BTBD3: variants seen among roughly 807,000 people sequenced by gnomAD.
BTBD3 encodes BTB/POZ domain-containing protein 3.
Under a neutral mutation model 41.6 loss-of-function variants are expected in BTBD3, and 14 were observed. The observed-to-expected ratio is 0.34, with a 90% confidence interval of 0.22 to 0.53. BTBD3 has a LOEUF of 0.53. BTBD3 is among the 20% of genes least tolerant of loss of function. BTBD3 has a pLI of 0.95. For missense variants in BTBD3, 426 were observed against 654.7 expected, an observed-to-expected ratio of 0.65 and a Z score of 3.81; for synonymous variants, 249 against 233.7, an observed-to-expected ratio of 1.07 and a Z score of -0.60.
At chr20:11,918,905 G>T in intron 1 of BTBD3, 181 bp from the exon 2 acceptor site, 1 of 570,560 alleles carries the variant, frequency 1.8e-6, no homozygotes, top group Non-Finnish European at 3.0e-6. Flanking sequence ...TTAAACTTTA[G>T]TTACTTCCCT....
chr20:11,919,918 T>G, intron 3 of BTBD3, 82 bp downstream of exon 3: 5 of 1,204,816 alleles, frequency 4.2e-6, no homozygotes, highest in Non-Finnish European at 6.1e-6. Context: ...ATTTAAGTTC[T>G]GCATAACAGA....
chr20:11,902,959 A>G (rs2056832577), intron 1 of BTBD3, among the ~76,000 whole-genome samples: 2 of 152,314 alleles, frequency 1.3e-5, no homozygotes, highest in South Asian at 4.1e-4. Context: ...TAATTGTTAC[A>G]CAAATCTCCA....
Position 11,917,935 on chromosome 20 carries a change from G to C in BTBD3, c.-341G>C. 2.9e-6 allele frequency: 3 copies of C among 1,027,522 alleles called. No individual in the cohort carries two copies. In the South Asian group the frequency reaches 1.2e-4, roughly 41 times the overall value. The allele number at this position is 1,027,522 out of a possible 1,614,324, so 63.7% of individuals were successfully genotyped here. A position where few individuals can be genotyped will look rare whatever the true frequency, so the allele number is the denominator to read the frequency against. ...GGCTGAACAGACTCACGCAGCTCCA[G>C]CCCATCTTGCTGACCTAATTCAGAA... is the stretch of plus-strand genomic sequence containing the variant. On this transcript the variant is annotated 5_prime_UTR_variant, in exon 1 of 4. Coordinates refer to ENST00000378226, the MANE Select transcript of BTBD3 (RefSeq NM_014962.4).
chr20:11,919,290 C>T (rs887016862), intron 2 of BTBD3, 114 bp downstream of exon 2: 2 of 1,355,162 alleles, frequency 1.5e-6, no homozygotes, highest in African/African-American at 2.9e-5. Context: ...GCATGTTTCA[C>T]TCGATTAGGG....
intron 1 of BTBD3, chr20:11,910,321 C>T (rs1316504455): frequency 6.6e-6 from 1 of 152,110 alleles, no homozygotes; most frequent in Non-Finnish European, 1.5e-5. Context: ...TTTTCTTCTT[C>T]TGTTATTTAA....
chr20:11,913,283 C>T (rs58009449), upstream of BTBD3: 2 of 152,056 alleles, frequency 1.3e-5, no homozygotes, highest in African/African-American at 4.8e-5. Flanking sequence ...TGGTGTTAAC[C>T]GTGAATAGCT....
At chr20:11,919,656 C>T (rs1243370259) in intron 2 of BTBD3, 62 bp from the exon 3 acceptor site, 12 of 1,502,952 alleles carry the variant, frequency 8.0e-6, no homozygotes, top group Non-Finnish European at 1.0e-5. Context: ...TGTTTTTCTG[C>T]ATTGATTTGC....
intron 1 of BTBD3, among the ~76,000 whole-genome samples, chr20:11,901,641 T>C (rs750699691): frequency 3.9e-5 from 6 of 152,222 alleles, no homozygotes; most frequent in Non-Finnish European, 7.3e-5. Flanking sequence ...CTTTATTAGC[T>C]ACTTTCTCTT....
intron 1 of BTBD3, among the ~76,000 whole-genome samples, chr20:11,898,428 C>A (rs2056803098): frequency 6.6e-6 from 1 of 152,200 alleles, no homozygotes; most frequent in Admixed American, 6.5e-5. Context: ...ACTCTAGTTA[C>A]AATTGCAATC....
chr20:11,899,751 T>C (rs542719309), intron 1 of BTBD3, among the ~76,000 whole-genome samples: 1 of 152,320 alleles, frequency 6.6e-6, no homozygotes, highest in South Asian at 2.1e-4. Flanking sequence ...AGACTCACTT[T>C]CCTCCTCTTT....
intron 1 of BTBD3, among the ~76,000 whole-genome samples, chr20:11,899,503 A>G (rs1316793866): frequency 6.6e-6 from 1 of 152,060 alleles, no homozygotes; most frequent in Non-Finnish European, 1.5e-5. Context: ...TTTATTTTCC[A>G]TGGCTCCTCA....
Position 11,898,181 on chromosome 20 carries a change from A to AT in BTBD3, c.-126+7227_-126+7228insT, listed in dbSNP as rs1351120649. Among the ~76,000 whole-genome samples, 3 of 152,050 alleles carry AT rather than the reference A, an allele frequency of 2.0e-5. No individual in the cohort carries two copies. In the East Asian group the frequency reaches 5.8e-4, roughly 29 times the overall value. On this transcript the variant is annotated intron_variant, in intron 1 of 4. Transcript: ENST00000254977. ...TGTCTACAAATAAATAAATAAATAA[A>AT]AATTAAAAAGCCCTACATGATCTGA...
At chr20:11,912,453 A>G (rs2056894996) in intron 1 of BTBD3, among the ~76,000 whole-genome samples, 1 of 152,212 alleles carries the variant, frequency 6.6e-6, no homozygotes, top group African/African-American at 2.4e-5. Context: ...CTTGCTTATT[A>G]TTGAACCTTC....
chr20:11,913,511 GAGCATTCTGTA>G (rs2056901476), upstream of BTBD3: 1 of 152,072 alleles, frequency 6.6e-6, no homozygotes, highest in African/African-American at 2.4e-5. Context: ...TATGACAATT[GAGCATTCTGTA>G]AGTGTGTGAG....
Position 11,904,505 on chromosome 20 carries a change from G to A in BTBD3, c.-126+13551G>A, listed in dbSNP as rs1345884453. ...AAAGCCTCTAGAGGCTTACAATTAC[G>A]CTTACGATAAAATCCAAACTTCTTA... On this transcript the variant is annotated intron_variant, in intron 1 of 4. Transcript: ENST00000254977. 3.3e-5 allele frequency among the ~76,000 whole-genome samples: 5 copies of A among 152,138 alleles called. No individual in the cohort carries two copies. The East Asian group carries it at 9.7e-4, about 29-fold the overall frequency.
chr20:11,920,048 G>T (rs562583790), intron 3 of BTBD3, among the ~76,000 whole-genome samples: 1 of 152,286 alleles, frequency 6.6e-6, no homozygotes, highest in South Asian at 2.1e-4. Context: ...GCACCTTGAC[G>T]TAGAATTTGG....
At position 11,906,254 on chromosome 20, in the gene BTBD3, CTTTTTTTTTTT is replaced by C. The variant is rs3071747; in HGVS notation, c.-125-12062_-125-12052del. Reference sequence around the variant, plus strand: ...CCATAATTTCCATTTATTATTACTCCTTTTTTTTTTTTTTTTTTTTTTTTTTTTGAGACGGA... The same window carrying C: ...CCATAATTTCCATTTATTATTACTCCTTTTTTTTTTTTTTTTTGAGACGGA... On this transcript the variant is annotated intron_variant, in intron 1 of 4. Coordinates refer to the BTBD3 transcript ENST00000254977. Among the ~76,000 whole-genome samples, 122 of 36,234 alleles carry C rather than the reference CTTTTTTTTTTT, an allele frequency of 3.4e-3. 3 individuals carry two copies. Among genetic ancestry groups the C allele is most frequent in the Admixed American group, 3.1e-3 (6 of 1,962 alleles). 23.8% of individuals were successfully genotyped at this position (36,234 alleles called of 152,430 possible). A position where few individuals can be genotyped will look rare whatever the true frequency, so the allele number is the denominator to read the frequency against.
In BTBD3 at chr20:11,923,721, G is replaced by C; in HGVS notation, c.*55G>C. 6.7e-7 allele frequency: 1 copy of C among 1,490,484 alleles called. No individual in the cohort carries two copies. The highest frequency in any genetic ancestry group is 9.1e-7 in the Non-Finnish European group (1 of 1,101,120). 92.3% of individuals were successfully genotyped at this position (1,490,484 alleles called of 1,614,324 possible). A position where few individuals can be genotyped will look rare whatever the true frequency, so the allele number is the denominator to read the frequency against. ...CAAAGTGCACATCTGGTTCCAACTT[G>C]CCTGATGCTTAGCTCATCTGCAAAT... On this transcript the variant is annotated 3_prime_UTR_variant, in exon 4 of 4. Coordinates refer to ENST00000378226, the MANE Select transcript of BTBD3 (RefSeq NM_014962.4). This position sits in a 1 kb window ranked among gnomAD's most constrained non-coding sequence, Gnocchi z 5.3.
chr20:11,893,349 C>T (rs936355078), intron 1 of BTBD3, among the ~76,000 whole-genome samples: 1 of 152,156 alleles, frequency 6.6e-6, no homozygotes, highest in Non-Finnish European at 1.5e-5. Flanking sequence ...TTTCTGTTAA[C>T]TGAGCTATCA....
Sources: allele counts gnomAD v4.1 joint callset (sites outside exome capture counted in the v4.1 genomes callset), GRCh38; gene constraint gnomAD v4.1.1; non-coding constraint Gnocchi (gnomAD v3.1); transcripts MANE v1.5; gene names NCBI Gene and HGNC (gene_info 2026-07-23, HGNC 2026-07-21).